The following XXYLT1 variants were observed in gnomAD, a reference collection of about 807,000 sequenced individuals.
The protein encoded by XXYLT1 is xyloside xylosyltransferase 1.
A neutral mutation model predicts 28.9 loss-of-function variants in XXYLT1; 20 were observed. That is an observed-to-expected ratio of 0.69 (90% CI 0.49 to 1.00). The LOEUF is 1.00. Among genes scored for constraint, XXYLT1 ranks in the 50% least tolerant of loss-of-function variants. The probability of loss-of-function intolerance (pLI) is 0.00; values close to 1 mark genes in which losing one functional copy is unlikely to be tolerated. For synonymous variants in XXYLT1, 257 were observed against 253.8 expected (o/e 1.01, Z -0.12); for missense variants, 542 against 560.1 (o/e 0.97, Z 0.33).
intron 2 of XXYLT1, among the ~76,000 whole-genome samples, chr3:195,159,960 T>C (rs1182797491): frequency 1.3e-5 from 2 of 152,084 alleles, no homozygotes; most frequent in Non-Finnish European, 2.9e-5. Flanking sequence ...TCCCAGGACA[T>C]GCTTGGGCCA....
intron 2 of XXYLT1, among the ~76,000 whole-genome samples, chr3:195,207,899 C>G (rs751798969): frequency 5.3e-5 from 8 of 152,164 alleles, no homozygotes; most frequent in Non-Finnish European, 1.2e-4. Flanking sequence ...CCTCACCATG[C>G]AGGCCTCTCC....
chr3:195,122,845 G>A (rs1047741782), intron 3 of XXYLT1, among the ~76,000 whole-genome samples: 3 of 152,184 alleles, frequency 2.0e-5, no homozygotes, highest in Non-Finnish European at 4.4e-5. Context: ...ACTGTGCCTG[G>A]GGCTGTTTGC....
At chr3:195,075,081 G>A (rs150791121) in intron 3 of XXYLT1, among the ~76,000 whole-genome samples, 1,855 of 152,176 alleles carry the variant, frequency 0.012, 34 homozygotes, top group African/African-American at 0.042. Flanking sequence ...ACAAAACCCC[G>A]TCTCTACTAA....
chr3:195,207,781 A>G (rs901622756), intron 2 of XXYLT1, among the ~76,000 whole-genome samples: 5 of 152,224 alleles, frequency 3.3e-5, no homozygotes, highest in African/African-American at 7.2e-5. Flanking sequence ...ACGGGCTGCA[A>G]TCAAGGTTGG....
chr3:195,184,719 T>C (rs956563828), intron 2 of XXYLT1: 2 of 985,270 alleles, frequency 2.0e-6, no homozygotes, highest in African/African-American at 3.5e-5. Flanking sequence ...ACTTCCAATA[T>C]TTGAGTCTAT....
intron 1 of XXYLT1, among the ~76,000 whole-genome samples, chr3:195,241,835 T>C (rs562701676): frequency 1.3e-5 from 2 of 151,660 alleles, no homozygotes; most frequent in East Asian, 2.0e-4. Context: ...GCACACAACA[T>C]ACACAGACAT....
At chr3:195,098,332 T>C (rs1025951898) in intron 3 of XXYLT1, among the ~76,000 whole-genome samples, 2 of 152,156 alleles carry the variant, frequency 1.3e-5, no homozygotes, top group African/African-American at 4.8e-5. Context: ...GGCGGGTGGA[T>C]CACGAGGTCA....
At position 195,180,839 on chromosome 3, in the gene XXYLT1, G is replaced by T. The variant is rs577469440; in HGVS notation, c.653-24258C>A. Among the ~76,000 whole-genome samples, 2 of 152,168 alleles carry T rather than the reference G, an allele frequency of 1.3e-5. No homozygotes were observed. The highest frequency in any genetic ancestry group is 2.4e-5 in the African/African-American group (1 of 41,408). ...CTAGTCCTGCCTCAGGACTTTGCTC[G>T]TGAGGGGTCCTCAAGGCCACTGTCG... On this transcript the variant is annotated intron_variant, in intron 2 of 3. Transcript: ENST00000310380. This position sits in a 1 kb window ranked among gnomAD's most constrained non-coding sequence, Gnocchi z 5.8.
chr3:195,099,558 C>T (rs941155451), intron 3 of XXYLT1, among the ~76,000 whole-genome samples: 4 of 152,134 alleles, frequency 2.6e-5, no homozygotes, highest in East Asian at 1.9e-4. Context: ...GGGCTGGGCG[C>T]GGTGGCTCAT....
chr3:195,181,617 G>T (rs1367891071), intron 2 of XXYLT1, among the ~76,000 whole-genome samples: 1 of 152,138 alleles, frequency 6.6e-6, no homozygotes, highest in East Asian at 1.9e-4. Context: ...CTCGAGATAG[G>T]TGTATTTCCA....
chr3:195,263,784 G>A (rs1023717335), intron 1 of XXYLT1, among the ~76,000 whole-genome samples: 1 of 152,182 alleles, frequency 6.6e-6, no homozygotes, highest in Non-Finnish European at 1.5e-5. Context: ...AGAGGCTGAG[G>A]TTTGAGGGAA....
rs1207312669 is a variant in XXYLT1, at chr3:195,256,878, G to C, written c.504+13677C>G. On this transcript the variant is annotated intron_variant, in intron 1 of 3. Coordinates refer to ENST00000310380, the MANE Select transcript of XXYLT1 (RefSeq NM_152531.5). The surrounding 1 kb of genome is among the most constrained non-coding windows in gnomAD (Gnocchi z 4.2). ...GCCCAGGGCACTGCCTGCCAGCCGG[G>C]GCTCTAGGCAGACCAAGCAACCTTC... Among the ~76,000 whole-genome samples the C allele has an allele frequency of 2.0e-5, 3 of 152,166 alleles. No homozygotes were observed. Among genetic ancestry groups the C allele is most frequent in the African/African-American group, 7.2e-5 (3 of 41,418 alleles).
intron 3 of XXYLT1, among the ~76,000 whole-genome samples, chr3:195,144,009 T>C (rs1046935394): frequency 2.0e-5 from 3 of 148,614 alleles, no homozygotes; most frequent in Non-Finnish European, 4.5e-5. Flanking sequence ...ATTCTCCTGC[T>C]CAGACTCCCA....
chr3:195,222,264 G>A (rs969263034), intron 2 of XXYLT1, among the ~76,000 whole-genome samples: 5 of 152,214 alleles, frequency 3.3e-5, no homozygotes, highest in East Asian at 3.8e-4. Context: ...GACACAGATC[G>A]CTGGAGAACT....
intron 3 of XXYLT1, among the ~76,000 whole-genome samples, chr3:195,103,443 A>AGCGGCCTGCGTCCATCACCTCATG (rs1560095955): frequency 4.1e-5 from 2 of 48,654 alleles, no homozygotes; most frequent in Non-Finnish European, 5.6e-5. Flanking sequence ...ATCACCCCAC[A>AGCGGCCTGCGTCCATCACCTCATG]CCAGCGGCCT....
chr3:195,170,062 G>T (rs1360726411), intron 2 of XXYLT1, among the ~76,000 whole-genome samples: 1 of 151,810 alleles, frequency 6.6e-6, no homozygotes, highest in Non-Finnish European at 1.5e-5. Flanking sequence ...TGTTGATCAG[G>T]CTGGTCTTGA....
chr3:195,094,710 CCCT>C (rs1716324138), intron 3 of XXYLT1: 4 of 153,898 alleles, frequency 2.6e-5, no homozygotes, highest in African/African-American at 9.6e-5. Flanking sequence ...CTCCACGCCA[CCCT>C]TCCCCCACAG....
chr3:195,183,056 G>C (rs901470907), intron 2 of XXYLT1, among the ~76,000 whole-genome samples: 1 of 152,142 alleles, frequency 6.6e-6, no homozygotes, highest in African/African-American at 2.4e-5. Flanking sequence ...GTCAAGAAAC[G>C]GAAGCTCGGG....
chr3:195,097,844 G>A (rs773716304), intron 3 of XXYLT1, among the ~76,000 whole-genome samples: 24 of 149,368 alleles, frequency 1.6e-4, no homozygotes, highest in Admixed American at 6.0e-4. Flanking sequence ...ACACAAAGAA[G>A]TCAGGCTGGG....
Sources: allele counts gnomAD v4.1 joint callset (sites outside exome capture counted in the v4.1 genomes callset), GRCh38; gene constraint gnomAD v4.1.1; non-coding constraint Gnocchi (gnomAD v3.1); transcripts MANE v1.5; gene names NCBI Gene and HGNC (gene_info 2026-07-23, HGNC 2026-07-21).